Variants in ARHGEF10 observed in about 807,000 individuals in gnomAD.
ARHGEF10 encodes Rho guanine nucleotide exchange factor 10.
ARHGEF10 carries 140 observed loss-of-function variants against 147.4 expected under a neutral mutation model. The observed-to-expected ratio is 0.95, with a 90% CI of 0.83 to 1.09. ARHGEF10 has a LOEUF of 1.09. Ranked by LOEUF, ARHGEF10 falls within the 50% of genes least tolerant of loss-of-function variation. The pLI is 0.00. For missense variants in ARHGEF10, 2,222 were observed against 1,752.7 expected, an observed-to-expected ratio of 1.27 and a Z score of -4.78; for synonymous variants, 902 against 695.8, an observed-to-expected ratio of 1.30 and a Z score of -4.67.
At position 1,937,247 on chromosome 8, in the gene ARHGEF10, G is replaced by T. The variant is rs1813689461; in HGVS notation, c.3222+3305G>T. On this transcript the variant is annotated intron_variant, in intron 26 of 28. Transcript: ENST00000349830. This position sits in a 1 kb window ranked among gnomAD's most constrained non-coding sequence, Gnocchi z 4.9. ...TGAGAAGCCTTCAGTTTCGTGGGGA[G>T]CCAGGGATTAGCTAGTGCGGCCATG... 6.6e-6 allele frequency among the ~76,000 whole-genome samples: 1 copy of T among 152,194 alleles called. No individual in the cohort carries two copies. The highest frequency in any genetic ancestry group is 2.4e-5 in the African/African-American group (1 of 41,442).
At chr8:1,827,979 C>A (rs1349548695) in intron 1 of ARHGEF10, among the ~76,000 whole-genome samples, 2 of 152,204 alleles carry the variant, frequency 1.3e-5, no homozygotes. Flanking sequence ...GCTGCATCAG[C>A]ATTGGCTAGT....
intron 9 of ARHGEF10, among the ~76,000 whole-genome samples, chr8:1,880,584 A>T (rs774430607): frequency 7.9e-5 from 12 of 152,236 alleles, no homozygotes; most frequent in Non-Finnish European, 1.8e-4. Context: ...CAGCGTTTTA[A>T]CTTCAAATGC....
chr8:1,844,225 G>C (rs1209120715), intron 2 of ARHGEF10, among the ~76,000 whole-genome samples: 2 of 152,108 alleles, frequency 1.3e-5, no homozygotes, highest in African/African-American at 4.8e-5. Context: ...GGAGATGCTG[G>C]GATTTGGTCG....
intron 10 of ARHGEF10, 149 bp from the exon 11 acceptor site, chr8:1,885,452 A>G: frequency 1.6e-6 from 1 of 638,044 alleles, no homozygotes; most frequent in Non-Finnish European, 2.8e-6. Context: ...TTTGTTAAAA[A>G]TTCAACTTAA....
At chr8:1,889,081 G>C (rs1440866438) in intron 11 of ARHGEF10, among the ~76,000 whole-genome samples, 2 of 110,128 alleles carry the variant, frequency 1.8e-5, no homozygotes, top group South Asian at 4.3e-4. Context: ...TGGGGTGAGG[G>C]GTCCGTGAGG....
At chr8:1,940,284 C>G (rs1304356591) in intron 26 of ARHGEF10, among the ~76,000 whole-genome samples, 1 of 152,184 alleles carries the variant, frequency 6.6e-6, no homozygotes, top group Non-Finnish European at 1.5e-5. Flanking sequence ...GGAGTAATTT[C>G]TGCTTTATTC....
chr8:1,885,583 T>G lies in ARHGEF10; in HGVS notation c.1076-18T>G. 1.3e-6 allele frequency: 2 copies of G among 1,561,040 alleles called. No individual in the cohort carries two copies. Among genetic ancestry groups the G allele is most frequent in the South Asian group, 2.2e-5 (2 of 89,842 alleles). ...TTATTTGAATGTAAAATTCATGCAT[T>G]TTGACTTTTTTTTTAAGATCACAGA... On this transcript the variant is annotated intron_variant, in intron 10 of 28. Transcript: ENST00000349830.
At chr8:1,905,421 T>C (rs926168266) in intron 16 of ARHGEF10, 150 bp from the exon 17 acceptor site, 1 of 953,310 alleles carries the variant, frequency 1.0e-6, no homozygotes, top group Non-Finnish European at 1.7e-6. Flanking sequence ...AGGCGGATGT[T>C]CAGCGCAGTC....
chr8:1,949,236 C>T (rs958200833), intron 27 of ARHGEF10, among the ~76,000 whole-genome samples: 8 of 152,130 alleles, frequency 5.3e-5, no homozygotes, highest in Non-Finnish European at 2.9e-5. Flanking sequence ...AGCACGCTGG[C>T]CCCTGGGGAA....
At chr8:1,875,841 A>G (rs1807650081) in intron 7 of ARHGEF10, among the ~76,000 whole-genome samples, 1 of 152,226 alleles carries the variant, frequency 6.6e-6, no homozygotes, top group African/African-American at 2.4e-5. Context: ...TTTTAAGGCC[A>G]AGTTTTGTTA....
In ARHGEF10 at chr8:1,857,507, C is replaced by A. The variant is rs140528527; in HGVS notation, c.38-453C>A. 4.9e-3 allele frequency among the ~76,000 whole-genome samples: 747 copies of A among 151,856 alleles called. 9 individuals are homozygous for A. The highest frequency in any genetic ancestry group is 0.017 in the African/African-American group (695 of 41,400). ...CAATCTCGGTTCACTGCAACCTCCG[C>A]CTCTCGGGTTCAAGCCATTCTCCTG... On this transcript the variant is annotated intron_variant, in intron 2 of 28. Transcript: ENST00000349830.
At chr8:1,830,121 C>G (rs1290543875) in intron 1 of ARHGEF10, among the ~76,000 whole-genome samples, 1 of 152,228 alleles carries the variant, frequency 6.6e-6, no homozygotes, top group Non-Finnish European at 1.5e-5. Context: ...CAGACGGCCC[C>G]AGAGGGCAAG....
In ARHGEF10 at chr8:1,903,334, G is replaced by C. The variant is rs756639852; in HGVS notation, c.1704G>C (p.Met568Ile). Residue 568 changes from methionine to isoleucine, a missense_variant, in exon 16 of 29, where the codon ATG becomes ATC. By Grantham distance (10) the Met-to-Ile change is conservative. Coordinates refer to ENST00000349830, the MANE Select transcript of ARHGEF10 (RefSeq NM_014629.4). ...KGHPDRLPLQ[M>I]ALTELETLAE... ...ACCCCGACAGGCTGCCTCTTCAGAT[G>C]GCCCTGACAGAGCTCGAAACACTAG... 3.1e-6 allele frequency: 5 copies of C among 1,614,106 alleles called. No individual in the cohort carries two copies. The South Asian group carries it at 5.5e-5, about 18-fold the overall frequency.
chr8:1,825,417 C>G lies in ARHGEF10; in HGVS notation c.-48+1304C>G, dbSNP rs183735742. Among the ~76,000 whole-genome samples, 513 of 120,058 alleles carry G rather than the reference C, an allele frequency of 4.3e-3. 3 individuals are homozygous for G. The highest frequency in any genetic ancestry group is 6.2e-3 in the Non-Finnish European group (355 of 57,612). 78.8% of individuals were successfully genotyped at this position (120,058 alleles called of 152,430 possible). On this transcript the variant is annotated intron_variant, in intron 1 of 28. Transcript: ENST00000349830. ...ACCCCACCTGTCCCCCTGATCCCCA[C>G]CTGTCCTCTGCACCTCACCTGTCCC...
At chr8:1,843,807 G>A (rs1183285008) in intron 2 of ARHGEF10, among the ~76,000 whole-genome samples, 2 of 152,154 alleles carry the variant, frequency 1.3e-5, no homozygotes, top group Non-Finnish European at 2.9e-5. Context: ...AGCTCAGCTC[G>A]CCCATGGCGG....
At chr8:1,880,609 C>T (rs767971497) in intron 9 of ARHGEF10, among the ~76,000 whole-genome samples, 5 of 152,112 alleles carry the variant, frequency 3.3e-5, no homozygotes, top group Non-Finnish European at 7.4e-5. Context: ...AATATTGATA[C>T]ATAAAACCCT....
intron 7 of ARHGEF10, among the ~76,000 whole-genome samples, chr8:1,873,519 C>T (rs55640435): frequency 0.017 from 707 of 41,550 alleles, 73 homozygotes; most frequent in African/African-American, 0.046. Context: ...GTTTGAGAGG[C>T]GCCCGCGGGG....
chr8:1,839,581 AG>A (rs1803831522), intron 1 of ARHGEF10, among the ~76,000 whole-genome samples: 1 of 113,966 alleles, frequency 8.8e-6, no homozygotes, highest in Non-Finnish European at 1.7e-5. Context: ...CTGGTGTGGA[AG>A]CTGTCTGGTG....
At chr8:1,880,356 G>T (rs556568388) in intron 9 of ARHGEF10, among the ~76,000 whole-genome samples, 192 bp downstream of exon 9, 2 of 152,198 alleles carry the variant, frequency 1.3e-5, no homozygotes, top group Non-Finnish European at 1.5e-5. Flanking sequence ...TCCCTCTTAC[G>T]GGGAACCCAG....
Sources: allele counts gnomAD v4.1 joint callset (sites outside exome capture counted in the v4.1 genomes callset), GRCh38; gene constraint gnomAD v4.1.1; non-coding constraint Gnocchi (gnomAD v3.1); transcripts MANE v1.5; gene names NCBI Gene and HGNC (gene_info 2026-07-23, HGNC 2026-07-21).